Variants in CASP9 observed in about 807,000 individuals in gnomAD.
CASP9 encodes the protein caspase 9.
In CASP9, 29 loss-of-function variants were observed where a neutral mutation model predicts 43.5. The observed-to-expected ratio is 0.67, with a 90% CI of 0.50 to 0.91. The LOEUF (loss-of-function observed/expected upper bound fraction) is 0.91. Among genes scored for constraint, CASP9 ranks in the 40% least tolerant of loss-of-function variants. The pLI is 0.00. For missense variants in CASP9, 575 were observed against 537.4 expected (o/e 1.07, Z -0.69); for synonymous variants, 206 against 211.9 (o/e 0.97, Z 0.24).
intron 6 of CASP9, among the ~76,000 whole-genome samples, chr1:15,502,931 C>T (rs1709381097): frequency 6.6e-6 from 1 of 152,150 alleles, no homozygotes; most frequent in African/African-American, 2.4e-5. Context: ...CAGCCTTCCT[C>T]ACTTCCTGTT....
chr1:15,493,639 G>A (rs1477462222), intron 8 of CASP9: 12 of 1,442,806 alleles, frequency 8.3e-6, no homozygotes, highest in Admixed American at 2.7e-5. Context: ...GTGGAGGAGC[G>A]GGAGGTGTCA....
At chr1:15,511,059 A>T (rs991768049) in intron 2 of CASP9, among the ~76,000 whole-genome samples, 1 of 152,226 alleles carries the variant, frequency 6.6e-6, no homozygotes, top group African/African-American at 2.4e-5. Context: ...AGAAAGAAGC[A>T]ATAAATGCCA....
Position 15,518,222 on chromosome 1 carries a change from G to C in CASP9, c.306C>G (p.Thr102=). 2 of 1,614,140 alleles carry C rather than the reference G, an allele frequency of 1.2e-6. No individual in the cohort carries two copies. The highest frequency in any genetic ancestry group is 8.5e-7 in the Non-Finnish European group (1 of 1,180,026). ...GCACCACTGGGGTAAGGTTTTCTAG[G>C]GTTGGCTTCGACAACTTTGCTGCTT... ...NRQAAKLSKP[T]LENLTPVVLR... The change falls in exon 2 of 9, where the codon ACC becomes ACG. Residue 102 remains threonine, a synonymous_variant. Coordinates refer to ENST00000333868, the MANE Select transcript of CASP9 (RefSeq NM_001229.5).
At chr1:15,496,296 C>T (rs1326479943) in intron 6 of CASP9, among the ~76,000 whole-genome samples, 1 of 152,142 alleles carries the variant, frequency 6.6e-6, no homozygotes, top group Non-Finnish European at 1.5e-5. Context: ...ATATGAAAAA[C>T]CCACAGCAAA....
At chr1:15,512,625 T>C (rs1444835987) in intron 2 of CASP9, among the ~76,000 whole-genome samples, 2 of 152,170 alleles carry the variant, frequency 1.3e-5, no homozygotes, top group African/African-American at 4.8e-5. Context: ...GCGTCCATAA[T>C]TGCATGAGCC....
At chr1:15,496,183 TG>T (rs60740707) in intron 6 of CASP9, among the ~76,000 whole-genome samples, 42,082 of 151,980 alleles carry the variant, frequency 0.28, 6,673 homozygotes, top group African/African-American at 0.43. Flanking sequence ...TCATCTCAAT[TG>T]ATGCAGAAAA....
intron 2 of CASP9, among the ~76,000 whole-genome samples, chr1:15,512,981 C>A (rs911078211): frequency 2.1e-4 from 32 of 152,144 alleles, no homozygotes; most frequent in Admixed American, 1.2e-3. Flanking sequence ...CATGGTGAAA[C>A]CCTGTCTCTA....
intron 3 of CASP9, 176 bp from the exon 4 acceptor site, chr1:15,507,251 A>G: frequency 1.6e-6 from 1 of 621,600 alleles, no homozygotes; most frequent in South Asian, 2.0e-5. Flanking sequence ...CTAGAAGGTG[A>G]CCCCCCCATC....
Position 15,497,813 on chromosome 1 carries a change from G to A in CASP9, c.869-2361C>T, listed in dbSNP as rs201922346. On this transcript the variant is annotated intron_variant, in intron 6 of 8. Transcript: ENST00000333868. ...AGAAAATCTATCCTAAAATTCACAC[G>A]AGAATCTCAAGGGACCCCAAATAGA... Among the ~76,000 whole-genome samples, 11 of 152,106 alleles carry A rather than the reference G, an allele frequency of 7.2e-5. No individual in the cohort carries two copies. The East Asian group carries it at 1.5e-3, about 21-fold the overall frequency.
intron 1 of CASP9, among the ~76,000 whole-genome samples, chr1:15,520,717 GC>G (rs1305225634): frequency 6.6e-6 from 1 of 152,230 alleles, no homozygotes; most frequent in East Asian, 1.9e-4. Context: ...ACTTTGGGAG[GC>G]CAAGGCAGGC....
chr1:15,504,532 G>C, intron 6 of CASP9, 79 bp downstream of exon 6: 1 of 1,459,860 alleles, frequency 6.8e-7, no homozygotes, highest in South Asian at 1.3e-5. Context: ...GGCCCTGTGA[G>C]GGGCAGGCTG....
At chr1:15,524,733 TCA>T, upstream of CASP9, 1 of 997,538 alleles carries the variant, frequency 1.0e-6, no homozygotes, top group Non-Finnish European at 1.2e-6. Flanking sequence ...AATTCTGGGG[TCA>T]CCGCCTGTCC....
chr1:15,502,589 G>T (rs945270326), intron 6 of CASP9, among the ~76,000 whole-genome samples: 1 of 152,184 alleles, frequency 6.6e-6, no homozygotes, highest in Non-Finnish European at 1.5e-5. Flanking sequence ...GGCTGGGGAA[G>T]GTGAAGTGGC....
At position 15,522,557 on chromosome 1, in the gene CASP9, T is replaced by A. The variant is rs560943426; in HGVS notation, c.132+1512A>T. On this transcript the variant is annotated intron_variant, in intron 1 of 8. Transcript: ENST00000333868. ...ACTCCTATCTGTACAAAAAAAAAATTTTTTTTAATTAGCCAGGCATGGTGG... is the reference window on the plus strand; with the variant it reads ...ACTCCTATCTGTACAAAAAAAAAATATTTTTTAATTAGCCAGGCATGGTGG... Among the ~76,000 whole-genome samples the A allele has an allele frequency of 4.7e-4, 71 of 151,290 alleles. 1 individual carries two copies. Among genetic ancestry groups the A allele is most frequent in the East Asian group, 2.5e-3 (13 of 5,162 alleles).
intron 8 of CASP9, 172 bp from the exon 9 acceptor site, chr1:15,493,207 A>G (rs1461328460): frequency 7.1e-7 from 1 of 1,412,714 alleles, no homozygotes; most frequent in Non-Finnish European, 9.2e-7. Context: ...TTACCTTTAA[A>G]AAACTCAAAA....
chr1:15,519,204 G>A (rs190927485), intron 1 of CASP9, among the ~76,000 whole-genome samples: 2 of 151,798 alleles, frequency 1.3e-5, no homozygotes, highest in African/African-American at 4.8e-5. Context: ...GTTTTTTGAG[G>A]AGTCTTGCTC....
intron 2 of CASP9, among the ~76,000 whole-genome samples, chr1:15,516,027 C>A (rs1053564806): frequency 6.6e-6 from 1 of 152,042 alleles, no homozygotes; most frequent in Non-Finnish European, 1.5e-5. Context: ...CATGGTGAAA[C>A]CCCATCTCTA....
Position 15,493,981 on chromosome 1 carries a change from G to A in CASP9, c.1069C>T (p.Pro357Ser). The A allele has an allele frequency of 6.3e-7, 1 of 1,596,656 alleles. No homozygotes were observed. The highest frequency in any genetic ancestry group is 8.5e-7 in the Non-Finnish European group (1 of 1,171,312). ...TFPGFVSWRD[P>S]KSGSWYVETL... ...TCAACGTACCAGGAGCCACTCTTGG[G>A]GTCCCTCCAGGAAACAAAACCTTTG... The change falls in exon 8 of 9, where the codon CCC becomes TCC. Residue 357 changes from proline to serine, a missense_variant. Pro to Ser is a moderately conservative substitution (Grantham distance 74). Coordinates refer to ENST00000333868, the MANE Select transcript of CASP9 (RefSeq NM_001229.5).
intron 2 of CASP9, among the ~76,000 whole-genome samples, chr1:15,515,858 G>C (rs569832518): frequency 4.4e-4 from 67 of 151,938 alleles, no homozygotes; most frequent in Non-Finnish European, 8.5e-4. Flanking sequence ...GAGTTTGAGG[G>C]CAGCCTGGGC....
Sources: allele counts gnomAD v4.1 joint callset (sites outside exome capture counted in the v4.1 genomes callset), GRCh38; gene constraint gnomAD v4.1.1; transcripts MANE v1.5; gene names NCBI Gene and HGNC (gene_info 2026-07-23, HGNC 2026-07-21).